The following DCLK2 variants were observed in gnomAD, a reference collection of about 807,000 sequenced individuals.
DCLK2 encodes the protein serine/threonine-protein kinase DCLK2.
DCLK2 carries 31 observed loss-of-function variants against 78.4 expected under a neutral mutation model. The ratio of observed to expected loss-of-function variants is 0.40; its 90% CI spans 0.30 to 0.53. The LOEUF is 0.53. Ranked by LOEUF, DCLK2 falls within the 20% of genes least tolerant of loss-of-function variation. DCLK2 has a pLI of 0.61. For missense variants in DCLK2, 872 were observed against 973.7 expected (o/e 0.90, Z 1.39); for synonymous variants, 407 against 374.9 (o/e 1.09, Z -0.99).
intron 5 of DCLK2, among the ~76,000 whole-genome samples, chr4:150,217,620 G>C (rs939286904): frequency 6.6e-6 from 1 of 152,182 alleles, no homozygotes; most frequent in East Asian, 1.9e-4. Flanking sequence ...ATAATGATGT[G>C]TCTTCATCTT....
chr4:150,080,945 G>GAATA, intron 1 of DCLK2, among the ~76,000 whole-genome samples: 1 of 152,342 alleles, frequency 6.6e-6, no homozygotes, highest in African/African-American at 2.4e-5. Context: ...ATAGCTGGAG[G>GAATA]AGTATAAGTA....
rs949247733 is a variant in DCLK2 at position 150,117,513 on chromosome 4, C to T, written c.756+14701C>T. On this transcript the variant is annotated intron_variant, in intron 2 of 15. Coordinates refer to ENST00000296550, the MANE Select transcript of DCLK2 (RefSeq NM_001040260.4). Reference sequence around the variant, plus strand: ...GTTCTGGCCAAAGGGGTTCATCCCCCCCTTAAGATTATATCGCAGATCTCA... The same window carrying T: ...GTTCTGGCCAAAGGGGTTCATCCCCTCCTTAAGATTATATCGCAGATCTCA... Among the ~76,000 whole-genome samples, 5 of 152,284 alleles carry T rather than the reference C, an allele frequency of 3.3e-5. No individual in the cohort carries two copies. In the South Asian group the frequency reaches 8.3e-4, roughly 25 times the overall value.
chr4:150,187,557 T>A (rs535082756), intron 2 of DCLK2, among the ~76,000 whole-genome samples: 1 of 152,350 alleles, frequency 6.6e-6, no homozygotes, highest in South Asian at 2.1e-4. Flanking sequence ...ACTCCCCTTC[T>A]GTGCTCTTTA....
At chr4:150,113,914 T>C (rs1731877214) in intron 2 of DCLK2, among the ~76,000 whole-genome samples, 1 of 152,198 alleles carries the variant, frequency 6.6e-6, no homozygotes, top group Non-Finnish European at 1.5e-5. Context: ...GCACTGCTTT[T>C]GCTGTATCCC....
chr4:150,253,818 G>A (rs541270967), intron 15 of DCLK2: 3 of 985,450 alleles, frequency 3.0e-6, no homozygotes, highest in African/African-American at 1.7e-5. Flanking sequence ...TTCTCCTACC[G>A]ATGCTGTTTC....
chr4:150,218,340 A>G lies in DCLK2; in HGVS notation c.1057-2363A>G, dbSNP rs1580737531. 2.0e-5 allele frequency among the ~76,000 whole-genome samples: 3 copies of G among 152,344 alleles called. No homozygotes were observed. In the South Asian group the frequency reaches 6.2e-4, roughly 32 times the overall value. On this transcript the variant is annotated intron_variant, in intron 5 of 15. Coordinates refer to ENST00000296550, the MANE Select transcript of DCLK2 (RefSeq NM_001040260.4). ...AACATTGGGAAAATTACAATGGTTCACAGGAGCTCAACTGATAAACACTTC... is the reference window on the plus strand; with the variant it reads ...AACATTGGGAAAATTACAATGGTTCGCAGGAGCTCAACTGATAAACACTTC...
At chr4:150,208,059 G>T (rs1739975485) in intron 5 of DCLK2, among the ~76,000 whole-genome samples, 1 of 152,188 alleles carries the variant, frequency 6.6e-6, no homozygotes, top group South Asian at 2.1e-4. Context: ...ATTGCTGAAG[G>T]CAGGCTGGGG....
chr4:150,195,437 A>AT (rs370813901), intron 3 of DCLK2, among the ~76,000 whole-genome samples: 48 of 1,764 alleles, frequency 0.027, 5 homozygotes, highest in African/African-American at 0.041. Flanking sequence ...TATATATTAT[A>AT]TATATAATAT....
rs767935751 is a variant in DCLK2, at chr4:150,224,522, C to A, written c.1263C>A (p.Ala421=). 1 of 1,612,048 alleles carries A rather than the reference C, an allele frequency of 6.2e-7. No homozygotes were observed. Among genetic ancestry groups the A allele is most frequent in the Non-Finnish European group, 8.5e-7 (1 of 1,179,190 alleles). ...ATAGGTCCACTGGAAAGGAGTTTGC[C>A]CTAAAGATTATAGACAAAGCCAAAT... The part of the protein sequence containing the change: ...CIDRSTGKEF[A]LKIIDKAKCC... Residue 421 remains alanine, a synonymous_variant, in exon 8 of 16, where the codon GCC becomes GCA. Transcript: ENST00000296550.
At chr4:150,239,563 C>T (rs539992223) in intron 10 of DCLK2, among the ~76,000 whole-genome samples, 179 bp from the exon 11 acceptor site, 178 of 151,740 alleles carry the variant, frequency 1.2e-3, no homozygotes, top group Non-Finnish European at 1.3e-3. Context: ...GTCACACCAC[C>T]GCACTCCAGC....
chr4:150,196,618 A>G (rs569108063), intron 3 of DCLK2, among the ~76,000 whole-genome samples: 1 of 152,266 alleles, frequency 6.6e-6, no homozygotes, highest in African/African-American at 2.4e-5. Flanking sequence ...TTTAACTCTT[A>G]TAACAAGCCT....
intron 2 of DCLK2, among the ~76,000 whole-genome samples, chr4:150,107,464 C>T (rs1731348969): frequency 6.8e-6 from 1 of 147,208 alleles, no homozygotes; most frequent in Non-Finnish European, 1.5e-5. Context: ...GCAGCTTTGA[C>T]CTCCTGGGCT....
intron 2 of DCLK2, among the ~76,000 whole-genome samples, chr4:150,105,810 A>G (rs1731211938): frequency 6.6e-6 from 1 of 152,120 alleles, no homozygotes; most frequent in Non-Finnish European, 1.5e-5. Flanking sequence ...AAAGCAAGAA[A>G]CAAATTCCAT....
intron 15 of DCLK2, chr4:150,253,776 C>T (rs1744358339): frequency 2.0e-6 from 2 of 985,460 alleles, no homozygotes; most frequent in Non-Finnish European, 1.2e-6. Context: ...TCCAGACCAA[C>T]AGCTGGTGAG....
chr4:150,089,264 C>T (rs1449544534), intron 1 of DCLK2, among the ~76,000 whole-genome samples: 1 of 152,136 alleles, frequency 6.6e-6, no homozygotes, highest in Non-Finnish European at 1.5e-5. Flanking sequence ...CAATCACTTG[C>T]TTAAAACTGA....
intron 2 of DCLK2, among the ~76,000 whole-genome samples, chr4:150,117,122 A>C (rs1732153947): frequency 1.3e-5 from 2 of 152,148 alleles, no homozygotes. Context: ...AGGTGCAAGC[A>C]GTGGCCCCAG....
At chr4:150,183,786 T>G (rs920891847) in intron 2 of DCLK2, among the ~76,000 whole-genome samples, 1 of 151,420 alleles carries the variant, frequency 6.6e-6, no homozygotes, top group Non-Finnish European at 1.5e-5. Flanking sequence ...CAGGCTAGAG[T>G]GCAGTGGCGC....
chr4:150,246,721 G>A (rs762218571), intron 12 of DCLK2, among the ~76,000 whole-genome samples: 6 of 152,134 alleles, frequency 3.9e-5, no homozygotes, highest in Non-Finnish European at 5.9e-5. Flanking sequence ...GGTTGGGGAC[G>A]TCTTCCCCAG....
rs951655976 is a variant in DCLK2, at chr4:150,118,700, A to G, written c.756+15888A>G. On this transcript the variant is annotated intron_variant, in intron 2 of 15. Coordinates refer to ENST00000296550, the MANE Select transcript of DCLK2 (RefSeq NM_001040260.4). ...CCACTCTGCTTCTTAAAGGGGATCAATAATAACAATTTTGTTGGCCAGGCA... is the reference window on the plus strand; with the variant it reads ...CCACTCTGCTTCTTAAAGGGGATCAGTAATAACAATTTTGTTGGCCAGGCA... 5.9e-5 allele frequency among the ~76,000 whole-genome samples: 9 copies of G among 152,148 alleles called. 1 individual carries two copies. Among genetic ancestry groups the G allele is most frequent in the Non-Finnish European group, 1.3e-4 (9 of 68,032 alleles).
Sources: gnomAD v4.1 joint callset for allele counts (sites outside exome capture counted in the v4.1 genomes callset) on GRCh38, gnomAD v4.1.1 for gene constraint, MANE v1.5 for transcripts, NCBI Gene and HGNC (gene_info 2026-07-23, HGNC 2026-07-21) for gene names.